The following SBF2 variants were observed in gnomAD, a reference collection of about 807,000 sequenced individuals.
SBF2 encodes the protein SET binding factor 2.
Under a neutral mutation model 225.2 loss-of-function variants are expected in SBF2, and 112 were observed. The ratio of observed to expected loss-of-function variants is 0.50; its 90% CI spans 0.43 to 0.58. The LOEUF (loss-of-function observed/expected upper bound fraction) is 0.58, where lower values mean the gene tolerates loss of function less well. SBF2 is among the 20% of genes least tolerant of loss of function. SBF2 has a pLI of 0.00. For missense variants in SBF2, 1,996 were observed against 2,206.2 expected, an observed-to-expected ratio of 0.90 and a Z score of 1.91; for synonymous variants, 763 against 773.3, an observed-to-expected ratio of 0.99 and a Z score of 0.22.
At chr11:10,230,191 A>G (rs1480580816) in intron 1 of SBF2, among the ~76,000 whole-genome samples, 7 of 151,760 alleles carry the variant, frequency 4.6e-5, no homozygotes, top group Admixed American at 4.6e-4. Context: ...CTTTATTTTG[A>G]GCCTATGTGT....
chr11:10,155,665 C>A (rs1481607260), intron 2 of SBF2, among the ~76,000 whole-genome samples: 2 of 152,024 alleles, frequency 1.3e-5, no homozygotes, highest in Non-Finnish European at 2.9e-5. Flanking sequence ...GTATTTCTGA[C>A]AATTTTCAAC....
chr11:9,927,358 C>T (rs937209033), intron 16 of SBF2, among the ~76,000 whole-genome samples: 3 of 152,104 alleles, frequency 2.0e-5, no homozygotes, highest in African/African-American at 7.2e-5. Flanking sequence ...GAAAATTGAG[C>T]CGGAGTATGC....
intron 2 of SBF2, among the ~76,000 whole-genome samples, chr11:10,078,419 C>T (rs1356483955): frequency 6.6e-6 from 1 of 152,068 alleles, no homozygotes; most frequent in Non-Finnish European, 1.5e-5. Flanking sequence ...GAAAATGTGG[C>T]ACATATACAC....
chr11:10,151,408 A>G (rs963273197), intron 2 of SBF2, among the ~76,000 whole-genome samples: 4 of 152,144 alleles, frequency 2.6e-5, no homozygotes, highest in Admixed American at 2.6e-4. Flanking sequence ...CACACCCAAA[A>G]TATCTTTGAA....
At chr11:10,209,025 T>C (rs1361933370) in intron 1 of SBF2, among the ~76,000 whole-genome samples, 1 of 152,180 alleles carries the variant, frequency 6.6e-6, no homozygotes, top group Non-Finnish European at 1.5e-5. Flanking sequence ...AAGGCTATTA[T>C]GTTAATCTTC....
intron 2 of SBF2, among the ~76,000 whole-genome samples, chr11:10,089,734 C>T (rs568848197): frequency 6.6e-6 from 1 of 151,254 alleles, no homozygotes; most frequent in African/African-American, 2.4e-5. Flanking sequence ...ATTTCTGGTC[C>T]ACAAGCCTGG....
intron 28 of SBF2, chr11:9,819,562 C>T (rs1017142926): frequency 1.3e-5 from 2 of 152,134 alleles, no homozygotes; most frequent in Non-Finnish European, 2.9e-5. Flanking sequence ...GGACAGCACA[C>T]AGCAGAAGGT....
chr11:10,061,805 C>T (rs147607611), intron 2 of SBF2, among the ~76,000 whole-genome samples: 2,921 of 152,282 alleles, frequency 0.019, 63 homozygotes, highest in Non-Finnish European at 0.029. Context: ...TCCTATCAAA[C>T]TACCAATGAC....
chr11:9,829,644 C>G (rs1855269011), intron 27 of SBF2, 148 bp from the exon 28 acceptor site: 1 of 692,566 alleles, frequency 1.4e-6, no homozygotes, highest in Non-Finnish European at 2.5e-6. Flanking sequence ...GAAACCAGCC[C>G]CACTTAAATT....
At position 10,080,054 on chromosome 11, in the gene SBF2, C is replaced by G. The variant is rs184405362; in HGVS notation, c.142-37073G>C. Among the ~76,000 whole-genome samples the G allele has an allele frequency of 4.8e-3, 737 of 151,970 alleles. 2 individuals carry two copies. The highest frequency in any genetic ancestry group is 9.2e-3 in the Admixed American group (140 of 15,268). Reference sequence around the variant, plus strand: ...CCTGAGGTCAGGAGTTTGAGACCAGCCTGGCCAACATGGTGAAACCCTGTC... The same window carrying G: ...CCTGAGGTCAGGAGTTTGAGACCAGGCTGGCCAACATGGTGAAACCCTGTC... On this transcript the variant is annotated intron_variant, in intron 2 of 39. Coordinates refer to ENST00000256190, the MANE Select transcript of SBF2 (RefSeq NM_030962.4).
chr11:10,062,338 A>G (rs1232492848), intron 2 of SBF2, among the ~76,000 whole-genome samples: 7 of 152,206 alleles, frequency 4.6e-5, no homozygotes, highest in Non-Finnish European at 1.0e-4. Flanking sequence ...AAATTGACAA[A>G]TGGGGTCTAA....
At chr11:10,226,050 A>C (rs1283018790) in intron 1 of SBF2, among the ~76,000 whole-genome samples, 1 of 152,216 alleles carries the variant, frequency 6.6e-6, no homozygotes, top group African/African-American at 2.4e-5. Context: ...AAAACACTGA[A>C]AAAATTTAAA....
rs1357589949 is a variant in SBF2 at position 9,873,288 on chromosome 11, G to C, written c.1930-14892C>G. On this transcript the variant is annotated intron_variant, in intron 17 of 39. Transcript: ENST00000256190. Reference sequence around the variant, plus strand: ...CAAAGGTTTAAAGTGATATGGATTAGTACAGCATAAAAATATTGGTTCACA... The same window carrying C: ...CAAAGGTTTAAAGTGATATGGATTACTACAGCATAAAAATATTGGTTCACA... 2.0e-5 allele frequency among the ~76,000 whole-genome samples: 3 copies of C among 149,044 alleles called. No individual in the cohort carries two copies. The South Asian group carries it at 6.4e-4, about 32-fold the overall frequency.
chr11:10,149,493 C>T (rs944090416), intron 2 of SBF2: 1 of 152,186 alleles, frequency 6.6e-6, no homozygotes, highest in African/African-American at 2.4e-5. Flanking sequence ...TGAACACACA[C>T]TACTAACAAC....
chr11:10,157,337 C>A (rs899536847), intron 2 of SBF2, among the ~76,000 whole-genome samples: 3 of 152,242 alleles, frequency 2.0e-5, no homozygotes, highest in African/African-American at 7.2e-5. Flanking sequence ...CTAGGCAATA[C>A]CATTCTAAAC....
At chr11:10,171,564 A>C (rs776305428) in intron 2 of SBF2, among the ~76,000 whole-genome samples, 1 of 152,188 alleles carries the variant, frequency 6.6e-6, no homozygotes, top group African/African-American at 2.4e-5. Flanking sequence ...GATTTTTTGC[A>C]TCAATGTTCA....
At chr11:10,026,953 G>A (rs971590117) in intron 6 of SBF2, among the ~76,000 whole-genome samples, 1 of 152,106 alleles carries the variant, frequency 6.6e-6, no homozygotes, top group African/African-American at 2.4e-5. Context: ...TAGAAGAGAA[G>A]GGAGATGTAA....
intron 2 of SBF2, among the ~76,000 whole-genome samples, chr11:10,069,934 G>T (rs979986792): frequency 2.6e-5 from 4 of 152,186 alleles, no homozygotes; most frequent in Non-Finnish European, 5.9e-5. Context: ...TTTTTCATGT[G>T]TCTGTTGGCT....
At chr11:10,251,696 C>T (rs940925490) in intron 1 of SBF2, among the ~76,000 whole-genome samples, 1 of 152,146 alleles carries the variant, frequency 6.6e-6, no homozygotes, top group East Asian at 1.9e-4. Context: ...CTCCCTGGTG[C>T]GCTGTATTCT....
Sources: gnomAD v4.1 joint callset for allele counts (sites outside exome capture counted in the v4.1 genomes callset) on GRCh38, gnomAD v4.1.1 for gene constraint, MANE v1.5 for transcripts, NCBI Gene and HGNC (gene_info 2026-07-23, HGNC 2026-07-21) for gene names.